Variants in SEZ6L observed in about 807,000 individuals in gnomAD.
SEZ6L encodes the protein seizure 6-like protein.
SEZ6L carries 37 observed loss-of-function variants against 106.2 expected under a neutral mutation model. The ratio of observed to expected loss-of-function variants is 0.35; its 90% CI spans 0.27 to 0.46. The LOEUF (loss-of-function observed/expected upper bound fraction) is 0.46, where lower values mean the gene tolerates loss of function less well. Ranked by LOEUF, SEZ6L falls within the 20% of genes least tolerant of loss-of-function variation. The pLI, the probability that SEZ6L is intolerant of heterozygous loss-of-function variation, is 1.00. For missense variants in SEZ6L, 1,172 were observed against 1,332.8 expected, an observed-to-expected ratio of 0.88 and a Z score of 1.88; for synonymous variants, 541 against 570.4, an observed-to-expected ratio of 0.95 and a Z score of 0.73.
At chr22:26,314,597 G>GAA (rs71695224) in intron 9 of SEZ6L, among the ~76,000 whole-genome samples, 37,077 of 151,910 alleles carry the variant, frequency 0.24, 5,635 homozygotes, top group African/African-American at 0.43. Flanking sequence ...ATTGCTGAAT[G>GAA]AAAAAAAATG....
intron 1 of SEZ6L, among the ~76,000 whole-genome samples, chr22:26,208,554 G>A (rs1182961971): frequency 6.6e-6 from 1 of 152,008 alleles, no homozygotes. Context: ...AAATCTATGA[G>A]GTTTCAACTT....
At chr22:26,343,320 T>C (rs1453126771) in intron 10 of SEZ6L, among the ~76,000 whole-genome samples, 1 of 111,666 alleles carries the variant, frequency 9.0e-6, no homozygotes, top group Non-Finnish European at 1.7e-5. Context: ...TTCAGCTTGA[T>C]GGCCAAAAAA....
intron 9 of SEZ6L, among the ~76,000 whole-genome samples, chr22:26,330,857 T>G (rs1229904304): frequency 2.0e-5 from 3 of 152,260 alleles, no homozygotes; most frequent in Non-Finnish European, 2.9e-5. Context: ...ATTTATATAT[T>G]TTTCTAATTT....
chr22:26,290,283 G>A (rs990441581), intron 1 of SEZ6L, among the ~76,000 whole-genome samples: 1 of 152,188 alleles, frequency 6.6e-6, no homozygotes, highest in Non-Finnish European at 1.5e-5. Flanking sequence ...TGTAATCCCA[G>A]CACTTTGGGA....
At chr22:26,254,383 G>A (rs1031361344) in intron 1 of SEZ6L, among the ~76,000 whole-genome samples, 5 of 152,068 alleles carry the variant, frequency 3.3e-5, no homozygotes, top group African/African-American at 7.2e-5. Context: ...GGAAGAGGGA[G>A]AAGGGGAAGC....
chr22:26,268,564 G>T (rs964455554), intron 1 of SEZ6L, among the ~76,000 whole-genome samples: 12 of 152,178 alleles, frequency 7.9e-5, no homozygotes, highest in African/African-American at 2.9e-4. Context: ...TTCCCCGGAG[G>T]CATCCCAATG....
At chr22:26,286,388 C>T (rs1346256465) in intron 1 of SEZ6L, among the ~76,000 whole-genome samples, 1 of 152,182 alleles carries the variant, frequency 6.6e-6, no homozygotes, top group East Asian at 1.9e-4. Context: ...AAGTCTTTTA[C>T]GTACTTATTA....
At chr22:26,231,756 C>T (rs1024068200) in intron 1 of SEZ6L, among the ~76,000 whole-genome samples, 7 of 152,234 alleles carry the variant, frequency 4.6e-5, no homozygotes, top group Non-Finnish European at 1.0e-4. Flanking sequence ...AAGCATTCTG[C>T]GTTTCCTTGC....
chr22:26,239,812 C>T (rs1190328639), intron 1 of SEZ6L, among the ~76,000 whole-genome samples: 2 of 152,070 alleles, frequency 1.3e-5, no homozygotes, highest in African/African-American at 4.8e-5. Flanking sequence ...AACCTGCTGG[C>T]GTGACCTTCT....
Position 26,299,160 on chromosome 22 carries a change from A to T in SEZ6L, c.1339A>T (p.Ile447Phe). Residue 447 changes from isoleucine to phenylalanine, a missense_variant, in exon 5 of 17, where the codon ATC becomes TTC. By Grantham distance (21) the Ile-to-Phe change is conservative (BLOSUM62 0). Transcript: ENST00000248933. Reference sequence around the variant, plus strand: ...GCCGCACTGGAGCAGCCAGGAGCCCATCTGCTCAGGTATGCTCCAGCCTCA... The same window carrying T: ...GCCGCACTGGAGCAGCCAGGAGCCCTTCTGCTCAGGTATGCTCCAGCCTCA... ...SKPHWSSQEP[I>F]CSAPCGGAVH... The T allele has an allele frequency of 1.3e-6, 2 of 1,542,906 alleles. No homozygotes were observed. Among genetic ancestry groups the T allele is most frequent in the Non-Finnish European group, 1.8e-6 (2 of 1,141,572 alleles).
chr22:26,345,244 G>A (rs1467085240), intron 10 of SEZ6L, among the ~76,000 whole-genome samples: 1 of 152,226 alleles, frequency 6.6e-6, no homozygotes, highest in African/African-American at 2.4e-5. Context: ...TGAAGAACAG[G>A]AAGGTTAAGT....
At position 26,292,673 on chromosome 22, in the gene SEZ6L, C is replaced by A. The variant is rs151261975; in HGVS notation, c.362C>A (p.Ser121Ter). Residue 121 changes from serine (S) to a stop codon, truncating the protein, a stop_gained, in exon 2 of 17, where the codon TCG becomes TAG. Transcript: ENST00000248933. LOFTEE classifies it high-confidence loss of function. ...TTGCCCCCCAAGAAGAAACTGCCTT[C>A]GCTCAAGCAGGTGAACTCTGCCAGG... ...HALPPKKKLP[S>*]LKQVNSARKQ... 1 of 1,613,410 alleles carries A rather than the reference C, an allele frequency of 6.2e-7. No individual in the cohort carries two copies. Among genetic ancestry groups the A allele is most frequent in the Non-Finnish European group, 8.5e-7 (1 of 1,179,894 alleles).
intron 1 of SEZ6L, among the ~76,000 whole-genome samples, chr22:26,228,465 T>C (rs1286050148): frequency 1.3e-5 from 2 of 152,184 alleles, no homozygotes; most frequent in African/African-American, 4.8e-5. Context: ...CACACGTTTT[T>C]ACTGGAAACC....
At chr22:26,253,066 A>G (rs1019849708) in intron 1 of SEZ6L, among the ~76,000 whole-genome samples, 6 of 152,218 alleles carry the variant, frequency 3.9e-5, no homozygotes, top group Admixed American at 3.3e-4. Context: ...TTTAGAGTGA[A>G]TTATTTCATT....
At chr22:26,236,994 A>G (rs1251026574) in intron 1 of SEZ6L, among the ~76,000 whole-genome samples, 2 of 151,706 alleles carry the variant, frequency 1.3e-5, no homozygotes, top group Admixed American at 1.3e-4. Context: ...CAGTCTTCCC[A>G]CTCCCAGAAG....
intron 1 of SEZ6L, among the ~76,000 whole-genome samples, chr22:26,213,011 C>G (rs1247575938): frequency 6.6e-6 from 1 of 152,124 alleles, no homozygotes; most frequent in Admixed American, 6.5e-5. Flanking sequence ...TTATCAGAAC[C>G]AAAGCCCAGT....
At chr22:26,301,110 T>A (rs1479014039) in intron 5 of SEZ6L, among the ~76,000 whole-genome samples, 1 of 152,220 alleles carries the variant, frequency 6.6e-6, no homozygotes, top group Admixed American at 6.5e-5. Context: ...GGAGCCATTA[T>A]CCCCATTTTG....
At chr22:26,373,200 G>A (rs1166805346) in intron 13 of SEZ6L, among the ~76,000 whole-genome samples, 1 of 152,206 alleles carries the variant, frequency 6.6e-6, no homozygotes, top group Non-Finnish European at 1.5e-5. Context: ...GACACGCGGT[G>A]AGTGTTCAGT....
chr22:26,370,310 G>T (rs531216368), intron 13 of SEZ6L, among the ~76,000 whole-genome samples: 1 of 152,064 alleles, frequency 6.6e-6, no homozygotes, highest in African/African-American at 2.4e-5. Flanking sequence ...GCGTGAACGT[G>T]GGAGGCGGAG....
Sources: allele counts gnomAD v4.1 joint callset (sites outside exome capture counted in the v4.1 genomes callset), GRCh38; gene constraint gnomAD v4.1.1; transcripts MANE v1.5; gene names NCBI Gene and HGNC (gene_info 2026-07-23, HGNC 2026-07-21).